AFTPH: variants seen among roughly 807,000 people sequenced by gnomAD.
AFTPH encodes the protein aftiphilin protein.
In AFTPH, 7 loss-of-function variants were observed where a neutral mutation model predicts 72.5. The observed-to-expected ratio is 0.10, with a 90% CI of 0.05 to 0.18. The LOEUF is 0.18. Ranked by LOEUF, AFTPH falls within the 10% of genes least tolerant of loss-of-function variation. The pLI, the probability that AFTPH is intolerant of heterozygous loss-of-function variation, is 1.00. For missense variants in AFTPH, 979 were observed against 1,060.5 expected (o/e 0.92, Z 1.07); for synonymous variants, 337 against 370.1 (o/e 0.91, Z 1.03).
At chr2:64,566,920 A>G (rs1361870205) in intron 2 of AFTPH, among the ~76,000 whole-genome samples, 1 of 152,222 alleles carries the variant, frequency 6.6e-6, no homozygotes, top group Non-Finnish European at 1.5e-5. Context: ...TGGAATTTCT[A>G]AAAGATAATG....
At chr2:64,529,503 CCA>C (rs1197762908) in intron 1 of AFTPH, among the ~76,000 whole-genome samples, 1 of 151,994 alleles carries the variant, frequency 6.6e-6, no homozygotes, top group Non-Finnish European at 1.5e-5. Context: ...CTCAGTTCTA[CCA>C]CAGTTTTGTA....
intron 2 of AFTPH, among the ~76,000 whole-genome samples, chr2:64,555,989 C>CTTCTTTTTTTTTTTTTT (rs1671341176): frequency 1.5e-5 from 2 of 134,104 alleles, no homozygotes; most frequent in African/African-American, 6.2e-5. Context: ...GAATTCCTCA[C>CTTCTTTTTTTTTTTTTT]TTTTTTTTTT....
intron 7 of AFTPH, among the ~76,000 whole-genome samples, chr2:64,582,621 C>CGG (rs3841895): frequency 1.3e-5 from 2 of 152,066 alleles, no homozygotes; most frequent in South Asian, 2.1e-4. Context: ...AGAATACTTA[C>CGG]GGGGGGGTAG....
At chr2:64,576,476 T>C (rs1270157326) in intron 6 of AFTPH, among the ~76,000 whole-genome samples, 1 of 152,202 alleles carries the variant, frequency 6.6e-6, no homozygotes, top group East Asian at 1.9e-4. Flanking sequence ...TAACTTAGTT[T>C]AAGGGTGAAA....
chr2:64,552,399 G>GGTTTCA, exon 2 of AFTPH: 1 of 1,614,052 alleles, frequency 6.2e-7, no homozygotes. Context: ...GACTAACAGA[G>GGTTTCA]GTTTCAGTGT....
Position 64,573,070 on chromosome 2 carries a change from T to TAAAAA in AFTPH, c.2394+3_2394+7dup. 6.2e-7 allele frequency: 1 copy of TAAAAA among 1,612,016 alleles called. No individual in the cohort carries two copies. Among genetic ancestry groups the TAAAAA allele is most frequent in the South Asian group, 1.1e-5 (1 of 91,026 alleles). On this transcript the variant is annotated splice_region_variant and intron_variant, in intron 6 of 8. Coordinates refer to ENST00000238856, the Ensembl canonical transcript of AFTPH. The stretch of plus-strand genomic sequence containing the variant: ...ACATGTACATCTGATCAGTTCCAGG[T>TAAAAA]AAAAATATCTATATGTGTATAAATA...
exon 9 of AFTPH, chr2:64,592,190 G>A (rs1673870011): frequency 1.6e-6 from 1 of 627,432 alleles, no homozygotes; most frequent in Non-Finnish European, 2.5e-6. Flanking sequence ...ACATAGTAAT[G>A]TATATTTATT....
intron 8 of AFTPH, among the ~76,000 whole-genome samples, chr2:64,589,961 T>C: frequency 1.3e-5 from 1 of 77,278 alleles, no homozygotes; most frequent in Non-Finnish European, 2.7e-5. Flanking sequence ...GGGGGGGGGG[T>C]TTCCACCAAA....
intron 2 of AFTPH, among the ~76,000 whole-genome samples, chr2:64,557,557 G>A (rs999294876): frequency 6.6e-6 from 1 of 152,180 alleles, no homozygotes; most frequent in African/African-American, 2.4e-5. Flanking sequence ...TCGGCTCACT[G>A]CAGCCTATGC....
chr2:64,537,110 ACTG>A lies in AFTPH; in HGVS notation c.-33+12499_-33+12501del, dbSNP rs926730600. Among the ~76,000 whole-genome samples the A allele has an allele frequency of 2.8e-3, 376 of 134,566 alleles. 1 individual carries two copies. The highest frequency in any genetic ancestry group is 0.012 in the African/African-American group (353 of 29,452). The allele number at this position is 134,566 out of a possible 152,430, so 88.3% of individuals were successfully genotyped here. A position where few individuals can be genotyped will look rare whatever the true frequency, so the allele number is the denominator to read the frequency against. ...TATTTACACACTTCCTTATTAATAGACTGTTTTCAGCTGCTTTTTAAAAAATTG... is the reference window on the plus strand; with the variant it reads ...TATTTACACACTTCCTTATTAATAGATTTTCAGCTGCTTTTTAAAAAATTG... On this transcript the variant is annotated intron_variant, in intron 1 of 8. Transcript: ENST00000238856.
intron 2 of AFTPH, among the ~76,000 whole-genome samples, chr2:64,559,109 C>T (rs1671562416): frequency 6.6e-6 from 1 of 152,148 alleles, no homozygotes; most frequent in East Asian, 1.9e-4. Flanking sequence ...AGGAGATAGG[C>T]ATTTGAATGG....
intron 8 of AFTPH, among the ~76,000 whole-genome samples, chr2:64,590,649 A>G (rs1007143124): frequency 3.3e-5 from 5 of 152,240 alleles, no homozygotes; most frequent in African/African-American, 1.2e-4. Flanking sequence ...TTGGATTGCT[A>G]TTCCATTCTT....
chr2:64,529,610 G>C (rs1669500271), intron 1 of AFTPH, among the ~76,000 whole-genome samples: 1 of 147,376 alleles, frequency 6.8e-6, no homozygotes, highest in African/African-American at 2.5e-5. Context: ...ATAGAAAATA[G>C]ACAAGCAAAA....
intron 3 of AFTPH, 78 bp downstream of exon 3, chr2:64,567,791 C>A (rs968980001): frequency 1.3e-6 from 2 of 1,496,912 alleles, no homozygotes; most frequent in Non-Finnish European, 1.8e-6. Flanking sequence ...TATCTTAAAA[C>A]ATTAAGGTTC....
chr2:64,565,593 C>A (rs929034453), intron 2 of AFTPH, among the ~76,000 whole-genome samples: 2 of 151,854 alleles, frequency 1.3e-5, no homozygotes, highest in Non-Finnish European at 2.9e-5. Flanking sequence ...ATTTACTGCT[C>A]TACCTCAAGG....
At chr2:64,563,632 C>G (rs1417665773) in intron 2 of AFTPH, among the ~76,000 whole-genome samples, 1 of 152,144 alleles carries the variant, frequency 6.6e-6, no homozygotes, top group Non-Finnish European at 1.5e-5. Context: ...GAATGTTTAA[C>G]TTTATTGTGC....
intron 8 of AFTPH, among the ~76,000 whole-genome samples, chr2:64,588,611 C>T (rs957109061): frequency 9.9e-5 from 15 of 152,196 alleles, no homozygotes; most frequent in Non-Finnish European, 2.1e-4. Flanking sequence ...ATAGCCATCC[C>T]AGTGGGTTTG....
At chr2:64,555,989 C>CTTTTTTT (rs774669104) in intron 2 of AFTPH, among the ~76,000 whole-genome samples, 25 of 134,102 alleles carry the variant, frequency 1.9e-4, no homozygotes, top group African/African-American at 7.4e-4. Flanking sequence ...GAATTCCTCA[C>CTTTTTTT]TTTTTTTTTT....
chr2:64,545,975 C>T (rs530055370), intron 1 of AFTPH, among the ~76,000 whole-genome samples: 49 of 152,142 alleles, frequency 3.2e-4, no homozygotes, highest in African/African-American at 1.1e-3. Flanking sequence ...TCACTGCAAC[C>T]TCTGCCTCCC....
Sources: gnomAD v4.1 joint callset for allele counts (sites outside exome capture counted in the v4.1 genomes callset) on GRCh38, gnomAD v4.1.1 for gene constraint, MANE v1.5 for transcripts, NCBI Gene and HGNC (gene_info 2026-07-23, HGNC 2026-07-21) for gene names.